Variants in C10orf67 observed in about 807,000 individuals in gnomAD.
C10orf67 encodes the protein uncharacterized protein C10orf67, mitochondrial.
Under a neutral mutation model 35.6 loss-of-function variants are expected in C10orf67, and 60 were observed. The observed-to-expected ratio is 1.68, with a 90% CI of 1.37 to 2.09. The LOEUF is 2.09. Ranked by LOEUF, C10orf67 falls within the 30% of genes most tolerant of loss-of-function variation. The pLI, the probability that C10orf67 is intolerant of heterozygous loss-of-function variation, is 0.00. For synonymous variants in C10orf67, 167 were observed against 115.8 expected, an observed-to-expected ratio of 1.44 and a Z score of -2.84; for missense variants, 474 against 330.2, an observed-to-expected ratio of 1.44 and a Z score of -3.38.
intron 8 of C10orf67, among the ~76,000 whole-genome samples, chr10:23,274,745 C>T (rs987869465): frequency 6.6e-6 from 1 of 152,052 alleles, no homozygotes; most frequent in Non-Finnish European, 1.5e-5. Context: ...ACATCCTCAG[C>T]TTACAAAGAT....
At chr10:23,307,668 G>A in intron 4 of C10orf67, among the ~76,000 whole-genome samples, 1 of 146,536 alleles carries the variant, frequency 6.8e-6, no homozygotes, top group East Asian at 2.0e-4. Context: ...GTGCAGTGAT[G>A]CAATCGGCTC....
chr10:23,248,018 T>C (rs1180405479), intron 12 of C10orf67, among the ~76,000 whole-genome samples: 1 of 152,212 alleles, frequency 6.6e-6, no homozygotes, highest in Non-Finnish European at 1.5e-5. Flanking sequence ...AGATTTCTGA[T>C]GTTTGCAGTC....
intron 3 of C10orf67, among the ~76,000 whole-genome samples, chr10:23,321,763 A>T (rs1383732497): frequency 6.6e-6 from 1 of 152,174 alleles, no homozygotes; most frequent in Non-Finnish European, 1.5e-5. Context: ...TATGGCACAG[A>T]AATAATAGTA....
intron 7 of C10orf67, among the ~76,000 whole-genome samples, chr10:23,284,116 A>G (rs2132242329): frequency 6.8e-6 from 1 of 147,042 alleles, no homozygotes; most frequent in South Asian, 2.2e-4. Flanking sequence ...CCAGGGCTTA[A>G]AAAAAAAAAA....
At chr10:23,314,190 A>AAAC (rs111850972) in intron 4 of C10orf67, among the ~76,000 whole-genome samples, 58,348 of 151,386 alleles carry the variant, frequency 0.39, 14,101 homozygotes, top group East Asian at 0.74. Flanking sequence ...TCTGTTTCAA[A>AAAC]AACAACAACA....
At chr10:23,302,707 C>A (rs989361788) in intron 5 of C10orf67, among the ~76,000 whole-genome samples, 1 of 152,160 alleles carries the variant, frequency 6.6e-6, no homozygotes, top group African/African-American at 2.4e-5. Context: ...TTTCCAAAGC[C>A]CTTAAACTTC....
chr10:23,244,299 C>G (rs992239441), intron 12 of C10orf67, among the ~76,000 whole-genome samples: 3 of 152,114 alleles, frequency 2.0e-5, no homozygotes, highest in Non-Finnish European at 2.9e-5. Context: ...TTGTGGGAGG[C>G]AGCTCAAACA....
At chr10:23,209,998 TAAAAAAA>T (rs59247961) in intron 15 of C10orf67, among the ~76,000 whole-genome samples, 67 of 67,214 alleles carry the variant, frequency 1.0e-3, no homozygotes, top group African/African-American at 3.5e-3. Context: ...AGACCTTGGC[TAAAAAAA>T]AAAAAAAAAA....
At chr10:23,320,041 C>T (rs536432125) in intron 4 of C10orf67, among the ~76,000 whole-genome samples, 10 of 152,234 alleles carry the variant, frequency 6.6e-5, no homozygotes, top group Admixed American at 2.6e-4. Context: ...CCAGTCACAG[C>T]GCTAAAGGCA....
rs76289147 is a variant in C10orf67, at chr10:23,285,673, A to G, written c.910-3595T>C. On this transcript the variant is annotated intron_variant, in intron 7 of 15. Coordinates refer to ENST00000636213, the MANE Select transcript of C10orf67 (RefSeq NM_001371909.1). ...TTGGGGAGCTACGTTTTCATTGGAAATACTTTATTTGTATTCAGATTTCAT... is the reference window on the plus strand; with the variant it reads ...TTGGGGAGCTACGTTTTCATTGGAAGTACTTTATTTGTATTCAGATTTCAT... 3.0e-3 allele frequency among the ~76,000 whole-genome samples: 461 copies of G among 152,328 alleles called. 14 individuals are homozygous for G. The East Asian group carries it at 0.05, about 16-fold the overall frequency.
chr10:23,298,099 C>T (rs1035357097), intron 5 of C10orf67, among the ~76,000 whole-genome samples: 6 of 151,960 alleles, frequency 3.9e-5, no homozygotes, highest in African/African-American at 1.5e-4. Context: ...ACTAAAAATA[C>T]AAAAAATCAG....
chr10:23,230,860 CTT>C (rs1465887228), intron 13 of C10orf67, among the ~76,000 whole-genome samples: 7 of 152,318 alleles, frequency 4.6e-5, no homozygotes, highest in African/African-American at 1.7e-4. Context: ...ACACTAGAAA[CTT>C]TCATCTGTTC....
intron 1 of C10orf67, among the ~76,000 whole-genome samples, chr10:23,340,011 T>C (rs1461028156): frequency 6.6e-6 from 1 of 152,208 alleles, no homozygotes; most frequent in African/African-American, 2.4e-5. Flanking sequence ...GGCTCCTTTT[T>C]ACTATTCAGC....
At chr10:23,278,367 G>A (rs537460217) in intron 8 of C10orf67, among the ~76,000 whole-genome samples, 7 of 152,116 alleles carry the variant, frequency 4.6e-5, no homozygotes, top group Non-Finnish European at 7.4e-5. Context: ...ACAGTATTAC[G>A]GGCTTATTAA....
chr10:23,338,389 C>T (rs891065334), intron 1 of C10orf67, among the ~76,000 whole-genome samples: 18 of 152,150 alleles, frequency 1.2e-4, no homozygotes, highest in Admixed American at 5.2e-4. Context: ...CCCAACGTGG[C>T]AGCATGAACC....
At chr10:23,272,159 C>T (rs1480207092) in intron 8 of C10orf67, among the ~76,000 whole-genome samples, 1 of 152,206 alleles carries the variant, frequency 6.6e-6, no homozygotes, top group Non-Finnish European at 1.5e-5. Context: ...TCAAGCAATC[C>T]ATCAGCCTTG....
intron 13 of C10orf67, among the ~76,000 whole-genome samples, chr10:23,228,427 C>A (rs1040449151): frequency 4.6e-5 from 7 of 152,152 alleles, no homozygotes; most frequent in African/African-American, 1.7e-4. Context: ...TAACCTTATA[C>A]AAAAATTAAT....
chr10:23,282,883 G>T (rs1843408669), intron 7 of C10orf67, among the ~76,000 whole-genome samples: 1 of 151,086 alleles, frequency 6.6e-6, no homozygotes. Context: ...AACTTACGGA[G>T]ATAGAGAGAA....
Position 23,223,742 on chromosome 10 carries a change from A to G in C10orf67, c.1509+2T>C, listed in dbSNP as rs1449948820. On this transcript the variant is annotated splice_donor_variant, in intron 14 of 15. Transcript: ENST00000636213. LOFTEE classifies it high-confidence loss of function. ...TTTAATAAAGAAAAATAAGCTACTT[A>G]CTGAAGATGTACAATGACTTGAAGA... is the stretch of plus-strand genomic sequence containing the variant. The G allele has an allele frequency of 1.4e-6, 1 of 716,192 alleles. No individual in the cohort carries two copies. The highest frequency in any genetic ancestry group is 1.5e-5 in the South Asian group (1 of 67,470). The allele number at this position is 716,192 out of a possible 1,614,324, so 44.4% of individuals were successfully genotyped here. A position where few individuals can be genotyped will look rare whatever the true frequency, so the allele number is the denominator to read the frequency against.
Sources: allele counts gnomAD v4.1 joint callset (sites outside exome capture counted in the v4.1 genomes callset), GRCh38; gene constraint gnomAD v4.1.1; transcripts MANE v1.5; gene names NCBI Gene and HGNC (gene_info 2026-07-23, HGNC 2026-07-21).